Variants in CAPN13 observed in about 807,000 individuals in gnomAD.
CAPN13 encodes the protein calpain 13, also known as calpain-13.
In CAPN13, 90 loss-of-function variants were observed where a neutral mutation model predicts 98.4. The ratio of observed to expected loss-of-function variants is 0.92; its 90% CI spans 0.77 to 1.09. CAPN13 has a LOEUF of 1.09. Ranked by LOEUF, CAPN13 falls within the 50% of genes least tolerant of loss-of-function variation. The pLI, the probability that CAPN13 is intolerant of heterozygous loss-of-function variation, is 0.00. For synonymous variants in CAPN13, 330 were observed against 305.5 expected, an observed-to-expected ratio of 1.08 and a Z score of -0.84; for missense variants, 887 against 841.3, an observed-to-expected ratio of 1.05 and a Z score of -0.67.
intron 1 of CAPN13, among the ~76,000 whole-genome samples, chr2:30,796,958 G>A (rs1166709757): frequency 6.6e-6 from 1 of 152,222 alleles, no homozygotes; most frequent in Non-Finnish European, 1.5e-5. Flanking sequence ...ATGCCTGGCA[G>A]GGAGGCAAGC....
rs1444108248 is a variant in CAPN13, at chr2:30,800,116, A to AAAG, written c.-33+7185_-33+7186insCTT. ...AAGAAAAGAAAGAAAGAAAAGAAAG[A>AAAG]AAAGAAAGAAAGAAAGAAAGAAAGA... is the stretch of plus-strand genomic sequence containing the variant. On this transcript the variant is annotated intron_variant, in intron 1 of 22. Transcript: ENST00000295055. Among the ~76,000 whole-genome samples, 136 of 85,650 alleles carry AAAG rather than the reference A, an allele frequency of 1.6e-3. 1 individual carries two copies. The highest frequency in any genetic ancestry group is 6.0e-3 in the African/African-American group (132 of 22,068). The allele number at this position is 85,650 out of a possible 152,430, so 56.2% of individuals were successfully genotyped here.
In CAPN13 at chr2:30,763,072, C is replaced by T. The variant is rs772614716; in HGVS notation, c.774+10G>A. 1.2e-6 allele frequency: 2 copies of T among 1,602,838 alleles called. No homozygotes were observed. Among genetic ancestry groups the T allele is most frequent in the East Asian group, 2.2e-5 (1 of 44,570 alleles). ...AGGGGAGAGCTGGACAGGCCAGCAG[C>T]CAGCCTTACCTGCTCAGCCCCAGTC... On this transcript the variant is annotated intron_variant, in intron 7 of 22. Transcript: ENST00000295055.
At chr2:30,767,488 C>T (rs1673169248) in intron 5 of CAPN13, among the ~76,000 whole-genome samples, 1 of 152,170 alleles carries the variant, frequency 6.6e-6, no homozygotes, top group Non-Finnish European at 1.5e-5. Flanking sequence ...TCTACTTCTC[C>T]CAGGGAACCA....
rs189088224 is a variant in CAPN13, at chr2:30,754,257, T to C, written c.941+33A>G. 9.9e-5 allele frequency: 153 copies of C among 1,542,230 alleles called. No individual in the cohort carries two copies. The African/African-American group carries it at 1.9e-3, about 19-fold the overall frequency. ...GATTGAAGACTTGGGCAATAAAAGA[T>C]TTAAAACACCATTGTATAAGAAGGG... On this transcript the variant is annotated intron_variant, in intron 9 of 22. Transcript: ENST00000295055.
chr2:30,771,483 G>A (rs189666994), intron 4 of CAPN13, among the ~76,000 whole-genome samples: 1 of 152,350 alleles, frequency 6.6e-6, no homozygotes, highest in East Asian at 1.9e-4. Context: ...TGTTTTAATA[G>A]CTGCTAATGA....
rs181240987 is a variant in CAPN13, at chr2:30,793,068, G to A, written c.-32-5711C>T. The stretch of plus-strand genomic sequence containing the variant: ...AACATAATATTTAATGATGGAAAGT[G>A]CATTTTCTTCCCTTTACAATCAGAA... On this transcript the variant is annotated intron_variant, in intron 1 of 22. Transcript: ENST00000295055. Among the ~76,000 whole-genome samples the A allele has an allele frequency of 1.3e-4, 19 of 151,932 alleles. 1 individual carries two copies. In the East Asian group the frequency reaches 3.7e-3, roughly 29 times the overall value.
intron 2 of CAPN13, among the ~76,000 whole-genome samples, chr2:30,786,911 T>C (rs1674310551): frequency 6.6e-6 from 1 of 152,198 alleles, no homozygotes; most frequent in African/African-American, 2.4e-5. Flanking sequence ...GTGTACTTAG[T>C]GTTAGAACTG....
At chr2:30,778,943 C>T (rs907532125) in intron 2 of CAPN13, among the ~76,000 whole-genome samples, 1 of 152,154 alleles carries the variant, frequency 6.6e-6, no homozygotes, top group East Asian at 1.9e-4. Context: ...GGAGGGCCTT[C>T]GGCTGCATGC....
chr2:30,731,438 G>A (rs1473778489), intron 20 of CAPN13, 39 bp from the exon 21 acceptor site: 2 of 1,581,512 alleles, frequency 1.3e-6, no homozygotes, highest in African/African-American at 1.4e-5. Flanking sequence ...GACTGAGGAG[G>A]AAGGAATCCA....
chr2:30,772,309 G>A (rs1208504472), intron 4 of CAPN13, among the ~76,000 whole-genome samples: 3 of 152,214 alleles, frequency 2.0e-5, no homozygotes, highest in Non-Finnish European at 4.4e-5. Context: ...GGAAACCAGA[G>A]TGTTTTAGGC....
At chr2:30,771,773 T>C (rs1457288895) in intron 4 of CAPN13, among the ~76,000 whole-genome samples, 1 of 152,224 alleles carries the variant, frequency 6.6e-6, no homozygotes, top group Non-Finnish European at 1.5e-5. Flanking sequence ...CTTATTACTT[T>C]AGCAACAGAT....
intron 11 of CAPN13, among the ~76,000 whole-genome samples, chr2:30,750,680 C>CA (rs1198945388): frequency 6.6e-6 from 1 of 152,210 alleles, no homozygotes; most frequent in Non-Finnish European, 1.5e-5. Context: ...CAATGATTCT[C>CA]AAACTTTAAT....
intron 14 of CAPN13, 54 bp downstream of exon 14, chr2:30,742,272 G>T: frequency 6.4e-7 from 1 of 1,569,540 alleles, no homozygotes; most frequent in South Asian, 1.2e-5. Flanking sequence ...GGAAGCTCTT[G>T]GGGATGGGAT....
At chr2:30,750,183 T>C (rs1572813459) in intron 11 of CAPN13, among the ~76,000 whole-genome samples, 1 of 152,292 alleles carries the variant, frequency 6.6e-6, no homozygotes, top group East Asian at 1.9e-4. Flanking sequence ...GAAGCTATTA[T>C]CCTTAGCAAA....
chr2:30,751,021 C>T, intron 11 of CAPN13, 82 bp downstream of exon 11: 1 of 1,480,882 alleles, frequency 6.8e-7, no homozygotes, highest in Non-Finnish European at 9.2e-7. Context: ...TCAAATCTCC[C>T]AGCCTGGCCA....
At chr2:30,752,620 G>C (rs1176938838) in intron 10 of CAPN13, among the ~76,000 whole-genome samples, 3 of 152,184 alleles carry the variant, frequency 2.0e-5, no homozygotes, top group Non-Finnish European at 2.9e-5. Context: ...TGAGTCTTGG[G>C]GAGGCTGAGG....
chr2:30,795,290 G>T (rs893477214), intron 1 of CAPN13, among the ~76,000 whole-genome samples: 1 of 152,032 alleles, frequency 6.6e-6, no homozygotes, highest in African/African-American at 2.4e-5. Context: ...ACAAGGAGTA[G>T]AATTTTTGGG....
chr2:30,727,014 A>G (rs2103477989), intron 22 of CAPN13, among the ~76,000 whole-genome samples: 1 of 152,342 alleles, frequency 6.6e-6, no homozygotes, highest in African/African-American at 2.4e-5. Context: ...TCAATTGAAC[A>G]GAAAGGAACG....
intron 11 of CAPN13, among the ~76,000 whole-genome samples, chr2:30,746,866 G>T (rs1056246837): frequency 6.6e-6 from 1 of 152,128 alleles, no homozygotes; most frequent in Non-Finnish European, 1.5e-5. Context: ...GAGAGGAGGA[G>T]GTATTCTTTG....
Sources: gnomAD v4.1 joint callset for allele counts (sites outside exome capture counted in the v4.1 genomes callset) on GRCh38, gnomAD v4.1.1 for gene constraint, MANE v1.5 for transcripts, NCBI Gene and HGNC (gene_info 2026-07-23, HGNC 2026-07-21) for gene names.